ABCG1: variants seen among roughly 807,000 people sequenced by gnomAD.
ABCG1 encodes the protein ATP-binding cassette sub-family G member 1.
A neutral mutation model predicts 69.2 loss-of-function variants in ABCG1; 29 were observed. The observed-to-expected ratio is 0.42, with a 90% CI of 0.31 to 0.57. The LOEUF (loss-of-function observed/expected upper bound fraction) is 0.57, where lower values mean the gene tolerates loss of function less well. ABCG1 is among the 20% of genes least tolerant of loss of function. The pLI is 0.15. For synonymous variants in ABCG1, 370 were observed against 374.8 expected (o/e 0.99, Z 0.15); for missense variants, 718 against 898.1 (o/e 0.80, Z 2.56).
At position 42,266,309 on chromosome 21, in the gene ABCG1, TAAATAAAATA is replaced by T. The variant is rs59850533; in HGVS notation, c.287-4742_287-4733del. On this transcript the variant is annotated intron_variant, in intron 2 of 14. Transcript: ENST00000398449. The stretch of plus-strand genomic sequence containing the variant: ...GAGCGAGACTCTGTCTCAAAATAAA[TAAATAAAATA>T]AAATAAAATAAAATAAAAGAATTGC... Among the ~76,000 whole-genome samples the T allele has an allele frequency of 3.6e-4, 55 of 150,828 alleles. 1 individual carries two copies. The South Asian group carries it at 5.7e-3, about 16-fold the overall frequency.
chr21:42,291,323 C>A lies in ABCG1; in HGVS notation c.1494+131C>A. 3 of 1,156,922 alleles carry A rather than the reference C, an allele frequency of 2.6e-6. No homozygotes were observed. Among genetic ancestry groups the A allele is most frequent in the South Asian group, 2.8e-5 (2 of 70,180 alleles). The allele number at this position is 1,156,922 out of a possible 1,614,324, so 71.7% of individuals were successfully genotyped here. On this transcript the variant is annotated intron_variant, in intron 12 of 14. Transcript: ENST00000398449. This position sits in a 1 kb window ranked among gnomAD's most constrained non-coding sequence, Gnocchi z 6.4. The stretch of plus-strand genomic sequence containing the variant: ...ACTTCGGGAGCTCTGGTGGGAGCTG[C>A]GGGGAAGGGCCTGACTTCGGGAGCT...
rs2068723445 is a variant in ABCG1 at position 42,276,988 on chromosome 21, A to G, written c.588+43A>G. ...TGCCCACAAGTGGTCCAGAAAGTGC[A>G]TGACGTGCATGTGGAAGGTGTGCCT... On this transcript the variant is annotated intron_variant, in intron 5 of 14. Transcript: ENST00000398449. The surrounding 1 kb of genome is among the most constrained non-coding windows in gnomAD (Gnocchi z 5.3). 1 of 1,602,522 alleles carries G rather than the reference A, an allele frequency of 6.2e-7. No individual in the cohort carries two copies. The highest frequency in any genetic ancestry group is 8.5e-7 in the Non-Finnish European group (1 of 1,169,840).
intron 2 of ABCG1, among the ~76,000 whole-genome samples, chr21:42,245,839 C>T (rs1484451792): frequency 6.6e-6 from 1 of 151,322 alleles, no homozygotes; most frequent in Non-Finnish European, 1.5e-5. Flanking sequence ...GCAGCAGACT[C>T]TGATGAGGAG....
intron 2 of ABCG1, among the ~76,000 whole-genome samples, chr21:42,248,266 G>A (rs2068162830): frequency 6.6e-6 from 1 of 152,164 alleles, no homozygotes; most frequent in Non-Finnish European, 1.5e-5. Context: ...AGTTGCTGAG[G>A]GGCCTCATTA....
At chr21:42,236,780 G>A (rs910018018) in intron 2 of ABCG1, among the ~76,000 whole-genome samples, 35 of 152,334 alleles carry the variant, frequency 2.3e-4, no homozygotes, top group African/African-American at 8.4e-4. Context: ...CAAGAAGGAA[G>A]GGTACATCTA....
intron 2 of ABCG1, among the ~76,000 whole-genome samples, chr21:42,270,077 G>A (rs1032622082): frequency 1.8e-4 from 27 of 152,136 alleles, no homozygotes; most frequent in Non-Finnish European, 2.2e-4. Flanking sequence ...TGGCTAACAC[G>A]GTGAAACCCT....
In ABCG1 at chr21:42,273,162, C is replaced by T. The variant is rs923588200; in HGVS notation, c.405-141C>T. Reference sequence around the variant, plus strand: ...TAGCGAGGTCCGGTCCCTTTCTGCCCCTCGGGGTCCCCGTGGCCAGTGGTT... The same window carrying T: ...TAGCGAGGTCCGGTCCCTTTCTGCCTCTCGGGGTCCCCGTGGCCAGTGGTT... On this transcript the variant is annotated intron_variant, in intron 3 of 14. Coordinates refer to ENST00000398449, the MANE Select transcript of ABCG1 (RefSeq NM_016818.3). This position sits in a 1 kb window ranked among gnomAD's most constrained non-coding sequence, Gnocchi z 5.3. 2.6e-6 allele frequency: 3 copies of T among 1,172,964 alleles called. No homozygotes were observed. Among genetic ancestry groups the T allele is most frequent in the African/African-American group, 3.1e-5 (2 of 64,990 alleles). 72.7% of individuals were successfully genotyped at this position (1,172,964 alleles called of 1,614,324 possible).
intron 2 of ABCG1, among the ~76,000 whole-genome samples, chr21:42,257,279 T>C (rs1172055899): frequency 2.0e-5 from 3 of 152,216 alleles, no homozygotes; most frequent in East Asian, 3.9e-4. Flanking sequence ...CCCCAGGAGA[T>C]TCCAGTCAAT....
chr21:42,207,963 T>A (rs1849967192), intron 2 of ABCG1, among the ~76,000 whole-genome samples: 1 of 152,162 alleles, frequency 6.6e-6, no homozygotes, highest in Non-Finnish European at 1.5e-5. Flanking sequence ...GGAGCAGAAG[T>A]CCAGACTTCC....
chr21:42,254,048 G>C (rs545267019), intron 2 of ABCG1, among the ~76,000 whole-genome samples: 145 of 152,276 alleles, frequency 9.5e-4, no homozygotes, highest in Non-Finnish European at 1.9e-3. Context: ...TGAAACCCAT[G>C]AGATGAGGAG....
upstream of ABCG1, among the ~76,000 whole-genome samples, chr21:42,215,596 G>A (rs1044163470): frequency 1.3e-5 from 2 of 152,188 alleles, no homozygotes; most frequent in African/African-American, 4.8e-5. Flanking sequence ...TGATCACACT[G>A]AATAGGTGTT....
upstream of ABCG1, among the ~76,000 whole-genome samples, chr21:42,218,469 G>T (rs1601340690): frequency 6.9e-6 from 1 of 145,098 alleles, no homozygotes; most frequent in African/African-American, 2.9e-5. Context: ...AGAAAATGAG[G>T]CTTTTCTTTT....
At chr21:42,251,100 C>A (rs1356381104) in intron 2 of ABCG1, among the ~76,000 whole-genome samples, 1 of 152,200 alleles carries the variant, frequency 6.6e-6, no homozygotes, top group Admixed American at 6.5e-5. Flanking sequence ...TACAGAGGCC[C>A]ACGGTCGGTC....
At chr21:42,259,409 T>C (rs2068366117) in intron 2 of ABCG1, 1 of 1,550,024 alleles carries the variant, frequency 6.5e-7, no homozygotes, top group South Asian at 1.2e-5. Flanking sequence ...AAATCGAAAA[T>C]GTCTGTGATT....
intron 1 of ABCG1, chr21:42,220,114 C>A: frequency 2.1e-6 from 3 of 1,437,934 alleles, no homozygotes; most frequent in Non-Finnish European, 2.9e-6. Context: ...GAACAAACAA[C>A]AAACCAATCA....
chr21:42,276,138 G>A lies in ABCG1; in HGVS notation c.538-757G>A, dbSNP rs1379917839. Among the ~76,000 whole-genome samples the A allele has an allele frequency of 2.0e-5, 3 of 152,136 alleles. No individual in the cohort carries two copies. Among genetic ancestry groups the A allele is most frequent in the Non-Finnish European group, 1.5e-5 (1 of 68,028 alleles). On this transcript the variant is annotated intron_variant, in intron 4 of 14. Coordinates refer to ENST00000398449, the MANE Select transcript of ABCG1 (RefSeq NM_016818.3). The surrounding 1 kb of genome is among the most constrained non-coding windows in gnomAD (Gnocchi z 5.3). ...AGGTTGCACGTTTGCCCAAGGCCAC[G>A]GGAGGCAGGAGGGTGGAAGCAAGGC...
chr21:42,245,158 C>A (rs1351349713), intron 2 of ABCG1, among the ~76,000 whole-genome samples: 1 of 152,240 alleles, frequency 6.6e-6, no homozygotes, highest in South Asian at 2.1e-4. Flanking sequence ...ATCTAGACAC[C>A]CCACACTTTG....
At chr21:42,225,546 C>A in intron 1 of ABCG1, 125 bp from the exon 2 acceptor site, 1 of 1,226,450 alleles carries the variant, frequency 8.2e-7, no homozygotes, top group Non-Finnish European at 1.1e-6. Flanking sequence ...GCCAAAGGTG[C>A]TCCTGCAGTG....
At chr21:42,258,732 G>A (rs1157949057) in intron 2 of ABCG1, among the ~76,000 whole-genome samples, 1 of 152,114 alleles carries the variant, frequency 6.6e-6, no homozygotes, top group Non-Finnish European at 1.5e-5. Flanking sequence ...CAGGGGAGTA[G>A]GGCGCCTGCT....
Sources: gnomAD v4.1 joint callset for allele counts (sites outside exome capture counted in the v4.1 genomes callset) on GRCh38, gnomAD v4.1.1 for gene constraint, Gnocchi (gnomAD v3.1) non-coding constraint, MANE v1.5 for transcripts, NCBI Gene and HGNC (gene_info 2026-07-23, HGNC 2026-07-21) for gene names.